TPD52L1: variants seen among roughly 807,000 people sequenced by gnomAD.
TPD52L1 encodes the protein tumor protein D53.
TPD52L1 carries 18 observed loss-of-function variants against 28.7 expected under a neutral mutation model. The observed-to-expected ratio is 0.63, with a 90% CI of 0.43 to 0.93. The LOEUF is 0.93. Ranked by LOEUF, TPD52L1 falls within the 40% of genes least tolerant of loss-of-function variation. TPD52L1 has a pLI of 0.00. For missense variants in TPD52L1, 203 were observed against 254.8 expected (o/e 0.80, Z 1.39); for synonymous variants, 75 against 88.8 (o/e 0.84, Z 0.88).
At chr6:125,251,512 A>AT (rs1159987566) in intron 4 of TPD52L1, among the ~76,000 whole-genome samples, 1 of 152,146 alleles carries the variant, frequency 6.6e-6, no homozygotes. Flanking sequence ...AATAAGTTAT[A>AT]TTTTTCTGAG....
chr6:125,216,529 G>GTGTGTATGTA (rs1314530488), intron 1 of TPD52L1, among the ~76,000 whole-genome samples: 1 of 69,066 alleles, frequency 1.4e-5, no homozygotes, highest in African/African-American at 8.5e-5. Flanking sequence ...GTATGTGTGT[G>GTGTGTATGTA]TATATATATA....
chr6:125,189,227 C>A (rs543918838), intron 1 of TPD52L1, among the ~76,000 whole-genome samples: 1 of 152,278 alleles, frequency 6.6e-6, no homozygotes, highest in South Asian at 2.1e-4. Context: ...TAAGTATATT[C>A]TTTTATAATA....
Position 125,219,722 on chromosome 6 carries a change from C to A in TPD52L1, c.20-356C>A, listed in dbSNP as rs573652536. On this transcript the variant is annotated intron_variant, in intron 1 of 6. Coordinates refer to ENST00000534000, the MANE Select transcript of TPD52L1 (RefSeq NM_003287.4). ...ATTTACACAGGAATCTCACATTAAA[C>A]CCCTCTCCATGGGCGGGCCTTGGGC... is the stretch of plus-strand genomic sequence containing the variant. The A allele has an allele frequency of 4.2e-4, 136 of 327,604 alleles. 1 individual carries two copies. The highest frequency in any genetic ancestry group is 3.5e-3 in the South Asian group (127 of 36,636). The allele number at this position is 327,604 out of a possible 1,614,324, so 20.3% of individuals were successfully genotyped here.
intron 4 of TPD52L1, among the ~76,000 whole-genome samples, chr6:125,251,041 A>G (rs1797234936): frequency 6.6e-6 from 1 of 152,224 alleles, no homozygotes; most frequent in Non-Finnish European, 1.5e-5. Context: ...AACAAGTTTT[A>G]CAAAGATTTT....
intron 1 of TPD52L1, among the ~76,000 whole-genome samples, chr6:125,193,479 G>A (rs1241726702): frequency 6.6e-6 from 1 of 152,032 alleles, no homozygotes; most frequent in Non-Finnish European, 1.5e-5. Context: ...CTCAAGAATG[G>A]TTGCAAAAGT....
At chr6:125,177,689 A>G (rs1791908877) in intron 1 of TPD52L1, among the ~76,000 whole-genome samples, 2 of 152,204 alleles carry the variant, frequency 1.3e-5, no homozygotes, top group African/African-American at 4.8e-5. Flanking sequence ...TTTTAATTAA[A>G]AAGTTAACAT....
At chr6:125,211,009 T>A (rs1016282250) in intron 1 of TPD52L1, among the ~76,000 whole-genome samples, 1 of 152,210 alleles carries the variant, frequency 6.6e-6, no homozygotes, top group South Asian at 2.1e-4. Flanking sequence ...GGATGAATTC[T>A]GCAGGACAGA....
intron 1 of TPD52L1, among the ~76,000 whole-genome samples, chr6:125,187,363 G>A (rs1792711083): frequency 6.6e-6 from 1 of 152,104 alleles, no homozygotes. Context: ...ACTCTTTTTG[G>A]AAAATAATCA....
chr6:125,172,099 C>T (rs1475546974), intron 1 of TPD52L1, among the ~76,000 whole-genome samples: 47 of 76,190 alleles, frequency 6.2e-4, no homozygotes, highest in South Asian at 1.6e-3. Context: ...TCTTTCTTTC[C>T]CTTTCTTTCT....
chr6:125,165,092 A>ATATATATATATATATATT lies in TPD52L1; in HGVS notation c.19+11129_19+11130insATATATATATTTATATAT. 1.8e-3 allele frequency among the ~76,000 whole-genome samples: 187 copies of ATATATATATATATATATT among 104,186 alleles called. 16 individuals carry two copies. Among genetic ancestry groups the ATATATATATATATATATT allele is most frequent in the African/African-American group, 8.6e-3 (141 of 16,448 alleles). 68.4% of individuals were successfully genotyped at this position (104,186 alleles called of 152,430 possible). On this transcript the variant is annotated intron_variant, in intron 1 of 6. Coordinates refer to ENST00000534000, the MANE Select transcript of TPD52L1 (RefSeq NM_003287.4). Reference sequence around the variant, plus strand: ...CCTGTCTCTTAAAAAAAAGATATATATATATATTTTAACTGTATATATATA... The same window carrying ATATATATATATATATATT: ...CCTGTCTCTTAAAAAAAAGATATATATATATATATATATATATTTATATATTTTAACTGTATATATATA...
chr6:125,171,542 G>A (rs548685662), intron 1 of TPD52L1, among the ~76,000 whole-genome samples: 13 of 152,224 alleles, frequency 8.5e-5, no homozygotes, highest in African/African-American at 2.4e-4. Context: ...GTAAACAGTC[G>A]AGTTGGAGAA....
At chr6:125,200,632 A>G (rs1448675751) in intron 1 of TPD52L1, among the ~76,000 whole-genome samples, 4 of 152,196 alleles carry the variant, frequency 2.6e-5, no homozygotes, top group East Asian at 1.9e-4. Flanking sequence ...AACTTTCTCA[A>G]TGCTCATACA....
At chr6:125,236,521 A>G (rs188898890) in intron 3 of TPD52L1, among the ~76,000 whole-genome samples, 1 of 152,298 alleles carries the variant, frequency 6.6e-6, no homozygotes, top group African/African-American at 2.4e-5. Context: ...TCTTAGTTCA[A>G]AACATTCTCA....
chr6:125,154,385 C>T lies in TPD52L1; in HGVS notation c.19+415C>T, dbSNP rs574991647. 4.0e-6 allele frequency: 4 copies of T among 999,230 alleles called. No homozygotes were observed. The East Asian group carries it at 4.1e-4, about 103-fold the overall frequency. 61.9% of individuals were successfully genotyped at this position (999,230 alleles called of 1,614,324 possible). A position where few individuals can be genotyped will look rare whatever the true frequency, so the allele number is the denominator to read the frequency against. ...TTCGCCCAGCGCCGTGGACTCGCGG[C>T]TTGTGGCTCCCAAGTTAGGGAGTGA... On this transcript the variant is annotated intron_variant, in intron 1 of 6. Transcript: ENST00000534000.
chr6:125,214,264 G>C (rs1794710641), intron 1 of TPD52L1, among the ~76,000 whole-genome samples: 1 of 152,156 alleles, frequency 6.6e-6, no homozygotes, highest in Admixed American at 6.5e-5. Flanking sequence ...GGGTAGAGGA[G>C]GGTAGAGAGT....
chr6:125,157,076 G>C (rs1790192154), intron 1 of TPD52L1, among the ~76,000 whole-genome samples: 2 of 152,138 alleles, frequency 1.3e-5, no homozygotes, highest in African/African-American at 4.8e-5. Flanking sequence ...TGAATGATTT[G>C]CCTCTTAGAT....
chr6:125,161,438 T>A (rs1182725280), intron 1 of TPD52L1, among the ~76,000 whole-genome samples: 1 of 152,218 alleles, frequency 6.6e-6, no homozygotes, highest in African/African-American at 2.4e-5. Context: ...ATTCACAACT[T>A]GAATCAAGAG....
chr6:125,215,080 G>A (rs182650385), intron 1 of TPD52L1, among the ~76,000 whole-genome samples: 153 of 152,216 alleles, frequency 1.0e-3, no homozygotes, highest in African/African-American at 3.5e-3. Context: ...TGCTAAAAGT[G>A]GTGACTTGAG....
At chr6:125,238,560 G>C (rs915288926) in intron 3 of TPD52L1, among the ~76,000 whole-genome samples, 1 of 151,210 alleles carries the variant, frequency 6.6e-6, no homozygotes, top group African/African-American at 2.4e-5. Flanking sequence ...TTATGCCTTT[G>C]CATCCTCACG....
Sources: allele counts gnomAD v4.1 joint callset (sites outside exome capture counted in the v4.1 genomes callset), GRCh38; gene constraint gnomAD v4.1.1; transcripts MANE v1.5; gene names NCBI Gene and HGNC (gene_info 2026-07-23, HGNC 2026-07-21).